CFAP61: variants seen among roughly 807,000 people sequenced by gnomAD.
CFAP61 encodes cilia and flagella associated protein 61, also known as cilia- and flagella-associated protein 61.
In CFAP61, 107 loss-of-function variants were observed where a neutral mutation model predicts 135.6. The ratio of observed to expected loss-of-function variants is 0.79; its 90% CI spans 0.67 to 0.93. The LOEUF (loss-of-function observed/expected upper bound fraction) is 0.93, where lower values mean the gene tolerates loss of function less well. Ranked by LOEUF, CFAP61 falls within the 40% of genes least tolerant of loss-of-function variation. CFAP61 has a pLI of 0.00. For missense variants in CFAP61, 1,507 were observed against 1,556.2 expected, an observed-to-expected ratio of 0.97 and a Z score of 0.53; for synonymous variants, 575 against 578.5, an observed-to-expected ratio of 0.99 and a Z score of 0.09.
At chr20:20,095,578 C>T (rs2047507688) in intron 7 of CFAP61, 1 of 152,260 alleles carries the variant, frequency 6.6e-6, no homozygotes, top group South Asian at 2.1e-4. Context: ...TAACTGTACC[C>T]TGGCTTACCT....
chr20:20,244,952 A>G (rs201597637), intron 18 of CFAP61, among the ~76,000 whole-genome samples: 1 of 152,220 alleles, frequency 6.6e-6, no homozygotes, highest in Non-Finnish European at 1.5e-5. Flanking sequence ...AATGCCACCA[A>G]TCTCTTTGCT....
At chr20:20,349,816 C>T (rs756386360) in intron 26 of CFAP61, among the ~76,000 whole-genome samples, 1 of 152,096 alleles carries the variant, frequency 6.6e-6, no homozygotes, top group Non-Finnish European at 1.5e-5. Flanking sequence ...GATGGCAATA[C>T]CACCCAAAAC....
chr20:20,332,466 T>C (rs2058037167), intron 25 of CFAP61, among the ~76,000 whole-genome samples: 1 of 152,234 alleles, frequency 6.6e-6, no homozygotes, highest in Admixed American at 6.5e-5. Context: ...TTAACTATTT[T>C]GATTTACTTG....
intron 16 of CFAP61, among the ~76,000 whole-genome samples, chr20:20,199,362 A>G (rs1204993068): frequency 6.6e-6 from 1 of 152,126 alleles, no homozygotes; most frequent in Non-Finnish European, 1.5e-5. Context: ...ATTTTTATCT[A>G]TGTGTCTTCT....
chr20:20,334,318 G>T (rs2058098708), intron 25 of CFAP61, among the ~76,000 whole-genome samples: 1 of 152,080 alleles, frequency 6.6e-6, no homozygotes, highest in Non-Finnish European at 1.5e-5. Flanking sequence ...GTAGAGACGG[G>T]GTTTCGCCAT....
At chr20:20,336,958 G>A (rs918765865) in intron 25 of CFAP61, among the ~76,000 whole-genome samples, 3 of 152,212 alleles carry the variant, frequency 2.0e-5, no homozygotes, top group Non-Finnish European at 2.9e-5. Context: ...TACCCTCAGT[G>A]CCCTTCACAT....
chr20:20,335,884 G>C (rs767676755), intron 25 of CFAP61, among the ~76,000 whole-genome samples: 16 of 152,326 alleles, frequency 1.1e-4, no homozygotes, highest in Middle Eastern at 3.4e-3. Context: ...TTGCACAGTT[G>C]TTCAGAGCAT....
At chr20:20,068,460 A>G (rs2045468938) in intron 2 of CFAP61, among the ~76,000 whole-genome samples, 2 of 152,168 alleles carry the variant, frequency 1.3e-5, no homozygotes, top group Admixed American at 6.5e-5. Flanking sequence ...ACTGTATTCT[A>G]GGAACCTGGG....
intron 17 of CFAP61, among the ~76,000 whole-genome samples, chr20:20,205,036 T>C (rs2056797342): frequency 6.6e-6 from 1 of 152,090 alleles, no homozygotes; most frequent in South Asian, 2.1e-4. Context: ...GCCATTTCTT[T>C]CCAATTCTCT....
intron 26 of CFAP61, among the ~76,000 whole-genome samples, chr20:20,344,514 A>C (rs1193866534): frequency 6.6e-6 from 1 of 152,204 alleles, no homozygotes; most frequent in Non-Finnish European, 1.5e-5. Context: ...TAACATCACT[A>C]ATCGTCAGAG....
At chr20:20,116,463 T>C (rs191999172) in intron 8 of CFAP61, among the ~76,000 whole-genome samples, 104 of 152,328 alleles carry the variant, frequency 6.8e-4, no homozygotes, top group African/African-American at 2.3e-3. Flanking sequence ...ATTTTTGCTT[T>C]GGTTGCCTGT....
At chr20:20,123,071 T>G (rs1381087751) in intron 8 of CFAP61, among the ~76,000 whole-genome samples, 1 of 151,884 alleles carries the variant, frequency 6.6e-6, no homozygotes, top group Non-Finnish European at 1.5e-5. Context: ...TATCTTCTTT[T>G]GAGAATTATC....
chr20:20,209,860 A>G (rs6081921), intron 17 of CFAP61, among the ~76,000 whole-genome samples: 17,526 of 152,046 alleles, frequency 0.12, 1,070 homozygotes, highest in Non-Finnish European at 0.13. Flanking sequence ...GCCTGTCCTC[A>G]CAGGAATCCT....
intron 8 of CFAP61, among the ~76,000 whole-genome samples, chr20:20,125,781 G>A (rs921402328): frequency 6.6e-6 from 1 of 151,586 alleles, no homozygotes; most frequent in African/African-American, 2.4e-5. Flanking sequence ...TTGACTTTTT[G>A]TCTTGATGAC....
intron 3 of CFAP61, 114 bp downstream of exon 3, chr20:20,071,118 G>T (rs2045675082): frequency 9.4e-7 from 1 of 1,064,018 alleles, no homozygotes; most frequent in Non-Finnish European, 1.4e-6. Context: ...CATCATGACA[G>T]TTAAAAGTGA....
At chr20:20,058,068 G>A (rs1168946604) in intron 2 of CFAP61, among the ~76,000 whole-genome samples, 1 of 152,082 alleles carries the variant, frequency 6.6e-6, no homozygotes, top group Non-Finnish European at 1.5e-5. Flanking sequence ...AAATATCCTA[G>A]TATTTTGGAT....
intron 8 of CFAP61, among the ~76,000 whole-genome samples, chr20:20,136,169 T>G (rs191345469): frequency 6.6e-6 from 1 of 152,126 alleles, no homozygotes; most frequent in Non-Finnish European, 1.5e-5. Flanking sequence ...GTCCCTTTTT[T>G]TACCCTTGAC....
chr20:20,179,134 G>A (rs941896760), intron 13 of CFAP61, among the ~76,000 whole-genome samples: 1 of 152,128 alleles, frequency 6.6e-6, no homozygotes, highest in African/African-American at 2.4e-5. Context: ...AAATCTCATA[G>A]TCTCTGCCCC....
intron 8 of CFAP61, among the ~76,000 whole-genome samples, chr20:20,117,750 C>T (rs1005838613): frequency 2.6e-5 from 4 of 151,930 alleles, no homozygotes; most frequent in African/African-American, 9.7e-5. Flanking sequence ...ATGTATGTGT[C>T]CTCTTCAATT....
Sources: allele counts gnomAD v4.1 joint callset (sites outside exome capture counted in the v4.1 genomes callset), GRCh38; gene constraint gnomAD v4.1.1; transcripts MANE v1.5; gene names NCBI Gene and HGNC (gene_info 2026-07-23, HGNC 2026-07-21).